WNK4: variants seen among roughly 807,000 people sequenced by gnomAD.
WNK4 encodes the protein serine/threonine-protein kinase WNK4.
A neutral mutation model predicts 116.2 loss-of-function variants in WNK4; 94 were observed. The observed-to-expected ratio is 0.81, with a 90% CI of 0.68 to 0.96. The LOEUF is 0.96. WNK4 is among the 40% of genes least tolerant of loss of function. The pLI is 0.00. For missense variants in WNK4, 1,542 were observed against 1,650.6 expected, an observed-to-expected ratio of 0.93 and a Z score of 1.14; for synonymous variants, 655 against 672.7, an observed-to-expected ratio of 0.97 and a Z score of 0.41.
intron 12 of WNK4, chr17:42,794,117 G>A: frequency 3.0e-6 from 1 of 333,754 alleles, no homozygotes; most frequent in South Asian, 2.5e-5. Context: ...GCCTCCCAAA[G>A]TGCTGGGATT....
chr17:42,782,839 G>A lies in WNK4; in HGVS notation c.700G>A (p.Val234Ile), dbSNP rs760831283. 35 of 1,614,032 alleles carry A rather than the reference G, an allele frequency of 2.2e-5. No individual in the cohort carries two copies. The South Asian group carries it at 3.2e-4, about 15-fold the overall frequency. ...CAAGGGGCTGCAGCACCCCAACATC[G>A]TCCGCTTCTATGATTCGTGGAAGTC... is the stretch of plus-strand genomic sequence containing the variant. ...MLKGLQHPNIVRFYDSWKSVL... is the reference protein window; with the variant it reads ...MLKGLQHPNIIRFYDSWKSVL... Residue 234 changes from valine to isoleucine, a missense_variant, in exon 2 of 19, where the codon GTC becomes ATC. By Grantham distance (29) the Val-to-Ile change is conservative. Transcript: ENST00000246914. The surrounding 1 kb of genome is among the most constrained non-coding windows in gnomAD (Gnocchi z 4.2).
chr17:42,790,069 T>C (rs2054593591), intron 11 of WNK4, among the ~76,000 whole-genome samples: 1 of 151,320 alleles, frequency 6.6e-6, no homozygotes, highest in Non-Finnish European at 1.5e-5. Context: ...TTTATGAAAA[T>C]CATCTGCCAT....
In WNK4 at chr17:42,793,581, A is replaced by T. The variant is rs751275544; in HGVS notation, c.2158-11A>T. On this transcript the variant is annotated splice_polypyrimidine_tract_variant and intron_variant, in intron 11 of 18. Coordinates refer to ENST00000246914, the MANE Select transcript of WNK4 (RefSeq NM_032387.5). ...CAAGCTCTCCCTCCCCATCCTGTTG[A>T]CCCTCGCAAGGTATATAACGAGTTC... 3.7e-5 allele frequency: 60 copies of T among 1,613,626 alleles called. No homozygotes were observed. The South Asian group carries it at 5.5e-4, about 15-fold the overall frequency.
chr17:42,785,214 G>T (rs2054532184), intron 5 of WNK4, 29 bp downstream of exon 5: 4 of 1,611,360 alleles, frequency 2.5e-6, no homozygotes, highest in Non-Finnish European at 3.4e-6. Flanking sequence ...AGCGTGGGTA[G>T]AATAGGGCCG....
chr17:42,795,529 C>T lies in WNK4; in HGVS notation c.3022+8C>T. On this transcript the variant is annotated splice_region_variant and intron_variant, in intron 15 of 18. Transcript: ENST00000246914. ...TGGCGCCCATCTCTGAAGGTAAGGC[C>T]TCTGACCACTGACCTTCCCCTGCCA... 1 of 1,614,252 alleles carries T rather than the reference C, an allele frequency of 6.2e-7. No individual in the cohort carries two copies. Among genetic ancestry groups the T allele is most frequent in the Non-Finnish European group, 8.5e-7 (1 of 1,180,048 alleles).
chr17:42,796,323 GT>G lies in WNK4; in HGVS notation c.3631+2del. The G allele has an allele frequency of 6.2e-7, 1 of 1,611,646 alleles. No individual in the cohort carries two copies. The highest frequency in any genetic ancestry group is 8.5e-7 in the Non-Finnish European group (1 of 1,178,970). On this transcript the variant is annotated splice_donor_variant, in intron 17 of 18. Transcript: ENST00000246914. LOFTEE classifies it high-confidence loss of function. ...CAGCGCTCTGAGCCCCCAGGCCCTG[GT>G]GAGACTGCAGTCACCCAGCTTCCAT...
chr17:42,794,150 G>C (rs1395031749), intron 12 of WNK4: 1 of 319,546 alleles, frequency 3.1e-6, no homozygotes, highest in Non-Finnish European at 6.0e-6. Context: ...CACCGTGCCT[G>C]GCCTAAAACA....
At chr17:42,790,306 A>T (rs2054595812) in intron 11 of WNK4, among the ~76,000 whole-genome samples, 2 of 152,196 alleles carry the variant, frequency 1.3e-5, no homozygotes, top group Non-Finnish European at 2.9e-5. Context: ...ATTGGGAGTT[A>T]GGGAGAAGGG....
Position 42,796,330 on chromosome 17 carries a change from T to C in WNK4, c.3631+8T>C. The C allele has an allele frequency of 6.2e-7, 1 of 1,611,194 alleles. No homozygotes were observed. Among genetic ancestry groups the C allele is most frequent in the African/African-American group, 1.3e-5 (1 of 74,992 alleles). ...CTGAGCCCCCAGGCCCTGGTGAGAC[T>C]GCAGTCACCCAGCTTCCATCTTTTC... On this transcript the variant is annotated splice_region_variant and intron_variant, in intron 17 of 18. Coordinates refer to ENST00000246914, the MANE Select transcript of WNK4 (RefSeq NM_032387.5).
chr17:42,786,502 C>G (rs1198282966), intron 6 of WNK4, among the ~76,000 whole-genome samples: 1 of 152,162 alleles, frequency 6.6e-6, no homozygotes, highest in Non-Finnish European at 1.5e-5. Context: ...AAGCAATTCT[C>G]CTGCCTCCGC....
Position 42,795,386 on chromosome 17 carries a change from A to G in WNK4, c.2961+4A>G. 6.2e-7 allele frequency: 1 copy of G among 1,614,008 alleles called. No homozygotes were observed. The highest frequency in any genetic ancestry group is 8.5e-7 in the Non-Finnish European group (1 of 1,179,996). On this transcript the variant is annotated splice_donor_region_variant and intron_variant, in intron 14 of 18. Coordinates refer to ENST00000246914, the MANE Select transcript of WNK4 (RefSeq NM_032387.5). ...CACAGCTGAGGTGGAGAGTGAGGTG[A>G]GTAGAAAACCAAGAGGGATGATTAG...
At chr17:42,793,297 G>A (rs543752694) in intron 11 of WNK4, among the ~76,000 whole-genome samples, 4 of 151,980 alleles carry the variant, frequency 2.6e-5, no homozygotes, top group Admixed American at 1.3e-4. Flanking sequence ...TGGCTCCACC[G>A]TTTCCCAGGT....
At position 42,796,877 on chromosome 17, in the gene WNK4, T is replaced by C. The variant is rs2054682974; in HGVS notation, c.*189T>C. On this transcript the variant is annotated 3_prime_UTR_variant, in exon 19 of 19. Coordinates refer to ENST00000246914, the MANE Select transcript of WNK4 (RefSeq NM_032387.5). ...AAGAGCCAAACATATGTGAACTGTT[T>C]GCTGTGTGGAGGTGTTAGTTCTGCT... 1 of 1,168,700 alleles carries C rather than the reference T, an allele frequency of 8.6e-7. No individual in the cohort carries two copies. The highest frequency in any genetic ancestry group is 1.2e-6 in the Non-Finnish European group (1 of 826,550). The allele number at this position is 1,168,700 out of a possible 1,614,324, so 72.4% of individuals were successfully genotyped here.
chr17:42,782,842 C>G lies in WNK4; in HGVS notation c.703C>G (p.Arg235Gly). 1 of 1,614,188 alleles carries G rather than the reference C, an allele frequency of 6.2e-7. No individual in the cohort carries two copies. The highest frequency in any genetic ancestry group is 8.5e-7 in the Non-Finnish European group (1 of 1,180,026). Residue 235 changes from arginine (R) to glycine (G), a missense_variant, in exon 2 of 19, where the codon CGC becomes GGC. Around this residue, in one of 7 missense-constraint regions of WNK4, gnomAD observed 808 missense variants for 873.6 expected, o/e 0.92. Transcript: ENST00000246914. This position sits in a 1 kb window ranked among gnomAD's most constrained non-coding sequence, Gnocchi z 4.2. ...LKGLQHPNIV[R>G]FYDSWKSVLR... Reference sequence around the variant, plus strand: ...GGGGCTGCAGCACCCCAACATCGTCCGCTTCTATGATTCGTGGAAGTCGGT... The same window carrying G: ...GGGGCTGCAGCACCCCAACATCGTCGGCTTCTATGATTCGTGGAAGTCGGT...
chr17:42,791,465 C>A (rs1424572999), intron 11 of WNK4, among the ~76,000 whole-genome samples: 1 of 151,556 alleles, frequency 6.6e-6, no homozygotes, highest in Non-Finnish European at 1.5e-5. Context: ...ATGGAGAAAC[C>A]CCGTCTCTAC....
At position 42,788,718 on chromosome 17, in the gene WNK4, T is replaced by C; in HGVS notation, c.2078T>C (p.Leu693Pro). ...AATGACAGAGTGGTTGAGTGCCAGC[T>C]ACAGACCCATAACAGCAAGATGGTG... is the stretch of plus-strand genomic sequence containing the variant. Reference protein sequence around the residue: ...DQNDRVVECQLQTHNSKMVTF... With the variant: ...DQNDRVVECQPQTHNSKMVTF... The change falls in exon 11 of 19, where the codon CTA (leucine) becomes CCA (proline). Residue 693 changes from leucine (L) to proline (P), a missense_variant. Around this residue, in one of 7 missense-constraint regions of WNK4, gnomAD observed 808 missense variants for 873.6 expected, o/e 0.92. Coordinates refer to ENST00000246914, the MANE Select transcript of WNK4 (RefSeq NM_032387.5). 2 of 1,614,092 alleles carry C rather than the reference T, an allele frequency of 1.2e-6. No homozygotes were observed. Among genetic ancestry groups the C allele is most frequent in the Non-Finnish European group, 1.7e-6 (2 of 1,180,008 alleles).
In WNK4 at chr17:42,788,413, G is replaced by A. The variant is rs2054575047; in HGVS notation, c.2040+6G>A. ...CCCGGCTGCGGGTCACTAGTGTAAG[G>A]ATGGAGTACAGGAGATAGAGAGTAA... is the stretch of plus-strand genomic sequence containing the variant. On this transcript the variant is annotated splice_donor_region_variant and intron_variant, in intron 10 of 18. Transcript: ENST00000246914. 6.2e-6 allele frequency: 10 copies of A among 1,611,834 alleles called. No individual in the cohort carries two copies. Among genetic ancestry groups the A allele is most frequent in the South Asian group, 1.1e-5 (1 of 90,978 alleles).
rs767340225 is a variant in WNK4 at position 42,788,346 on chromosome 17, TGAG to T, written c.1983_1985del (p.Arg662del). The T allele has an allele frequency of 1.4e-5, 23 of 1,613,656 alleles. No individual in the cohort carries two copies. The highest frequency in any genetic ancestry group is 1.7e-4 in the Middle Eastern group (1 of 5,874). The stretch of plus-strand genomic sequence containing the variant: ...GATGTGGGAGAAGGGATGGGACAAA[TGAG>T]GAGACCCCCAGGGAGGAATCTCCGG... On this transcript the variant is annotated inframe_deletion, in exon 10 of 19. Transcript: ENST00000246914.
intron 1 of WNK4, among the ~76,000 whole-genome samples, chr17:42,781,603 G>T (rs1409338890): frequency 5.3e-5 from 8 of 152,122 alleles, no homozygotes; most frequent in Non-Finnish European, 1.0e-4. Context: ...GGGAAGTTAG[G>T]CAGGGGAGCC....
Sources: allele counts gnomAD v4.1 joint callset (sites outside exome capture counted in the v4.1 genomes callset), GRCh38; gene constraint gnomAD v4.1.1; regional missense constraint gnomAD v4.1.1; non-coding constraint Gnocchi (gnomAD v3.1); transcripts MANE v1.5; gene names NCBI Gene and HGNC (gene_info 2026-07-23, HGNC 2026-07-21).